The following MASTL variants were observed in gnomAD, a reference collection of about 807,000 sequenced individuals.
The protein encoded by MASTL is microtubule associated serine/threonine kinase like.
In MASTL, 54 loss-of-function variants were observed where a neutral mutation model predicts 82.5. The ratio of observed to expected loss-of-function variants is 0.65; its 90% CI spans 0.53 to 0.82. MASTL has a LOEUF of 0.82. MASTL is among the 40% of genes least tolerant of loss of function. MASTL has a pLI of 0.00. For synonymous variants in MASTL, 323 were observed against 368.9 expected, an observed-to-expected ratio of 0.88 and a Z score of 1.43; for missense variants, 950 against 1,047.8, an observed-to-expected ratio of 0.91 and a Z score of 1.29.
At chr10:27,186,019 G>A (rs2058714827) in intron 11 of MASTL, among the ~76,000 whole-genome samples, 1 of 152,142 alleles carries the variant, frequency 6.6e-6, no homozygotes. Context: ...AACCCGGGAG[G>A]CGGCGGTTGC....
At chr10:27,175,567 C>T (rs905330598) in intron 9 of MASTL, among the ~76,000 whole-genome samples, 19 of 152,126 alleles carry the variant, frequency 1.2e-4, no homozygotes, top group African/African-American at 4.1e-4. Flanking sequence ...TCTGTTGCTG[C>T]TCTTCAGTTC....
intron 9 of MASTL, among the ~76,000 whole-genome samples, chr10:27,178,239 G>T (rs2058164052): frequency 6.6e-6 from 1 of 151,900 alleles, no homozygotes; most frequent in East Asian, 1.9e-4. Flanking sequence ...TTAAAAAAAG[G>T]ATAAAAATTA....
chr10:27,174,959 A>T (rs1409999125), intron 9 of MASTL, among the ~76,000 whole-genome samples: 1 of 151,520 alleles, frequency 6.6e-6, no homozygotes, highest in Non-Finnish European at 1.5e-5. Flanking sequence ...CTTTTCTTTG[A>T]GCTCTTTTCA....
intron 3 of MASTL, among the ~76,000 whole-genome samples, chr10:27,160,390 G>C (rs1357498578): frequency 1.3e-5 from 2 of 151,864 alleles, no homozygotes; most frequent in Admixed American, 6.6e-5. Context: ...GATTTACAAT[G>C]TTTTTCTCTA....
intron 9 of MASTL, among the ~76,000 whole-genome samples, chr10:27,179,041 G>C (rs796843): frequency 0.021 from 3,270 of 152,204 alleles, 43 homozygotes; most frequent in Non-Finnish European, 0.033. Context: ...AAATGCAGTG[G>C]TGGCAGTTGT....
chr10:27,172,188 C>CT (rs1313041820), intron 8 of MASTL, among the ~76,000 whole-genome samples: 1 of 152,102 alleles, frequency 6.6e-6, no homozygotes, highest in East Asian at 1.9e-4. Flanking sequence ...CAAAGTTTTA[C>CT]TTTTTTTCTT....
intron 11 of MASTL, among the ~76,000 whole-genome samples, chr10:27,185,225 A>T (rs1478787286): frequency 3.9e-5 from 6 of 152,196 alleles, no homozygotes; most frequent in African/African-American, 1.2e-4. Context: ...ACAGGTGGCA[A>T]GGCCTTAGAG....
Position 27,170,133 on chromosome 10 carries a change from T to G in MASTL, c.1174T>G (p.Cys392Gly). 1.2e-6 allele frequency: 2 copies of G among 1,614,200 alleles called. No individual in the cohort carries two copies. The highest frequency in any genetic ancestry group is 1.7e-6 in the Non-Finnish European group (2 of 1,180,034). ...GRSCVNLAKK[C>G]FSGEVSWEAV... ...CTCTTGTGTAAACCTTGCTAAAAAA[T>G]GCTTCTCTGGGGAAGTTTCTTGGGA... Residue 392 changes from cysteine (C) to glycine (G), a missense_variant, in exon 8 of 12, where the codon TGC becomes GGC. Physicochemically the swap from Cys to Gly is radical, Grantham distance 159. Coordinates refer to ENST00000375940, the MANE Select transcript of MASTL (RefSeq NM_001172303.3).
intron 11 of MASTL, among the ~76,000 whole-genome samples, chr10:27,183,687 G>T (rs1239502644): frequency 3.3e-5 from 5 of 152,072 alleles, no homozygotes; most frequent in Non-Finnish European, 7.4e-5. Flanking sequence ...TCAGCTTCTA[G>T]GTGTTCCCTG....
chr10:27,165,200 C>A (rs777430809), intron 5 of MASTL, 30 bp downstream of exon 5: 2 of 1,460,248 alleles, frequency 1.4e-6, no homozygotes, highest in Non-Finnish European at 1.9e-6. Flanking sequence ...ATTAACATGA[C>A]ATACCCCTTC....
At chr10:27,179,644 C>A (rs1564503444) in intron 9 of MASTL, among the ~76,000 whole-genome samples, 1 of 152,180 alleles carries the variant, frequency 6.6e-6, no homozygotes, top group African/African-American at 2.4e-5. Flanking sequence ...TTACCTATAT[C>A]TTAAGACATC....
chr10:27,166,868 T>G (rs1272375629), intron 6 of MASTL, among the ~76,000 whole-genome samples: 2 of 152,172 alleles, frequency 1.3e-5, no homozygotes. Flanking sequence ...TGTCTAAACA[T>G]AGTGGGATAT....
intron 7 of MASTL, 83 bp downstream of exon 7, chr10:27,167,357 C>G (rs1029387160): frequency 8.1e-7 from 1 of 1,226,996 alleles, no homozygotes; most frequent in Non-Finnish European, 1.2e-6. Context: ...CATATAAATT[C>G]CATAAAGAAA....
At chr10:27,158,493 G>A in intron 1 of MASTL, 56 bp from the exon 2 acceptor site, 1 of 1,410,884 alleles carries the variant, frequency 7.1e-7, no homozygotes, top group Non-Finnish European at 1.0e-6. Context: ...GCAAGAGAAT[G>A]AGACTCTGTC....
intron 9 of MASTL, among the ~76,000 whole-genome samples, chr10:27,177,285 A>T (rs1242877681): frequency 6.6e-6 from 1 of 152,126 alleles, no homozygotes; most frequent in Non-Finnish European, 1.5e-5. Context: ...AAGCAAGTAA[A>T]TTCCTATGAG....
chr10:27,158,345 A>G (rs2057460931), intron 1 of MASTL, among the ~76,000 whole-genome samples: 1 of 152,134 alleles, frequency 6.6e-6, no homozygotes, highest in Admixed American at 6.5e-5. Flanking sequence ...TGTCTCTACA[A>G]CAAAATTAAA....
intron 4 of MASTL, 126 bp from the exon 5 acceptor site, chr10:27,164,938 A>T: frequency 1.4e-6 from 1 of 691,988 alleles, no homozygotes; most frequent in Non-Finnish European, 2.6e-6. Context: ...GTGCCCAGCC[A>T]CTGTCTCCTT....
At chr10:27,174,134 C>T (rs922939232) in intron 9 of MASTL, among the ~76,000 whole-genome samples, 1 of 151,814 alleles carries the variant, frequency 6.6e-6, no homozygotes, top group African/African-American at 2.4e-5. Flanking sequence ...GCAGGTGGAT[C>T]ACTTGAGGCC....
intron 9 of MASTL, among the ~76,000 whole-genome samples, chr10:27,173,903 A>G (rs1385531047): frequency 6.6e-6 from 1 of 151,970 alleles, no homozygotes; most frequent in African/African-American, 2.4e-5. Context: ...ATGTTTCTTC[A>G]GGTTGGATGG....
Sources: gnomAD v4.1 joint callset for allele counts (sites outside exome capture counted in the v4.1 genomes callset) on GRCh38, gnomAD v4.1.1 for gene constraint, MANE v1.5 for transcripts, NCBI Gene and HGNC (gene_info 2026-07-23, HGNC 2026-07-21) for gene names.